The following DSG2 variants were observed in gnomAD, a reference collection of about 807,000 sequenced individuals.
DSG2 encodes desmoglein-2.
Under a neutral mutation model 75.6 loss-of-function variants are expected in DSG2, and 45 were observed. That is an observed-to-expected ratio of 0.60 (90% CI 0.47 to 0.76). The LOEUF (loss-of-function observed/expected upper bound fraction) is 0.76. Ranked by LOEUF, DSG2 falls within the 30% of genes least tolerant of loss-of-function variation. The probability of loss-of-function intolerance (pLI) is 0.00; values close to 1 mark genes in which losing one functional copy is unlikely to be tolerated. For synonymous variants in DSG2, 429 were observed against 483.9 expected (o/e 0.89, Z 1.49); for missense variants, 1,267 against 1,357.4 (o/e 0.93, Z 1.05).
At chr18:31,526,435 A>G (rs959511595) in intron 8 of DSG2, among the ~76,000 whole-genome samples, 1 of 152,234 alleles carries the variant, frequency 6.6e-6, no homozygotes, top group African/African-American at 2.4e-5. Context: ...ACTTATTGAC[A>G]GCTACTATAT....
chr18:31,515,164 G>A (rs1035336689), intron 1 of DSG2, among the ~76,000 whole-genome samples: 2 of 152,194 alleles, frequency 1.3e-5, no homozygotes, highest in South Asian at 2.1e-4. Context: ...GTGCAGTGGC[G>A]CGATCTCGGC....
rs776686758 is a variant in DSG2, at chr18:31,546,362, A to G, written c.2976A>G (p.Ile992Met). ...EGTVVVTERVIQPHGGGSNPL... is the reference protein window; with the variant it reads ...EGTVVVTERVMQPHGGGSNPL... ...CAGTTGTGGTCACTGAAAGAGTAAT[A>G]CAGCCTCATGGGGGTGGATCGAATC... The change falls in exon 15 of 15, where the codon ATA becomes ATG. Residue 992 changes from isoleucine (I) to methionine (M), a missense_variant. Physicochemically the swap from Ile to Met is conservative, Grantham distance 10. Coordinates refer to ENST00000261590, the MANE Select transcript of DSG2 (RefSeq NM_001943.5). 2 of 1,613,892 alleles carry G rather than the reference A, an allele frequency of 1.2e-6. No homozygotes were observed. The highest frequency in any genetic ancestry group is 8.5e-7 in the Non-Finnish European group (1 of 1,179,850).
chr18:31,523,186 G>A (rs939760995), intron 6 of DSG2, among the ~76,000 whole-genome samples: 1 of 152,144 alleles, frequency 6.6e-6, no homozygotes, highest in African/African-American at 2.4e-5. Flanking sequence ...CAGATCACAA[G>A]GTCAGGAGAT....
intron 2 of DSG2, among the ~76,000 whole-genome samples, chr18:31,519,153 G>A (rs530703361): frequency 2.6e-5 from 4 of 152,210 alleles, no homozygotes; most frequent in South Asian, 2.1e-4. Context: ...AAGAAAAAAC[G>A]TTTTTGACAT....
chr18:31,528,268 T>G (rs953441667), intron 8 of DSG2, among the ~76,000 whole-genome samples: 1 of 152,134 alleles, frequency 6.6e-6, no homozygotes, highest in Non-Finnish European at 1.5e-5. Flanking sequence ...GCATTATTCA[T>G]GATAATAAAA....
rs2278792 is a variant in DSG2 at position 31,542,836 on chromosome 18, G to A, written c.2318G>A (p.Arg773Lys). Residue 773 changes from arginine (R) to lysine (K), a missense_variant, in exon 14 of 15, where the codon AGA becomes AAA. Physicochemically the swap from Arg to Lys is conservative, Grantham distance 26. Transcript: ENST00000261590. Reference protein sequence around the residue: ...AAVALNEEFLRNYFTDKAASY... With the variant: ...AAVALNEEFLKNYFTDKAASY... ...GTTGCACTGAACGAAGAATTCTTAA[G>A]AAATTATTTCACTGATGTAAGGATG... The A allele has an allele frequency of 0.29, 402,056 of 1,376,676 alleles. 55,785 individuals carry two copies. Among genetic ancestry groups the A allele is most frequent in the East Asian group, 0.55 (20,919 of 38,118 alleles). The allele number at this position is 1,376,676 out of a possible 1,614,324, so 85.3% of individuals were successfully genotyped here.
intron 5 of DSG2, 114 bp from the exon 6 acceptor site, chr18:31,521,969 A>G: frequency 1.1e-6 from 1 of 940,652 alleles, no homozygotes; most frequent in South Asian, 1.5e-5. Flanking sequence ...ACTGTATGTG[A>G]TTTTGATAAG....
intron 10 of DSG2, among the ~76,000 whole-genome samples, chr18:31,535,666 C>T (rs2144340370): frequency 6.6e-6 from 1 of 151,650 alleles, no homozygotes; most frequent in East Asian, 1.9e-4. Flanking sequence ...TGGTGGCATG[C>T]ATCTGTAGTC....
At chr18:31,501,823 G>A (rs2073015305) in intron 1 of DSG2, among the ~76,000 whole-genome samples, 2 of 152,138 alleles carry the variant, frequency 1.3e-5, no homozygotes, top group South Asian at 4.1e-4. Flanking sequence ...CTGGTGGTTA[G>A]CACTTCAATA....
chr18:31,544,537 A>G (rs552079252), intron 14 of DSG2, among the ~76,000 whole-genome samples: 2 of 152,274 alleles, frequency 1.3e-5, no homozygotes, highest in South Asian at 2.1e-4. Context: ...TTAAACCCAA[A>G]ACAAGCAGAA....
chr18:31,505,665 T>C (rs1473140268), intron 1 of DSG2, among the ~76,000 whole-genome samples: 1 of 149,302 alleles, frequency 6.7e-6, no homozygotes, highest in East Asian at 1.9e-4. Context: ...TCTTTTTTTT[T>C]TTTTTTCTTT....
chr18:31,536,128 C>T, intron 10 of DSG2, 74 bp from the exon 11 acceptor site: 1 of 1,443,488 alleles, frequency 6.9e-7, no homozygotes, highest in South Asian at 1.2e-5. Flanking sequence ...TCCAAATTGG[C>T]AAGGGAATTC....
chr18:31,517,474 T>C (rs1169538938), intron 1 of DSG2, among the ~76,000 whole-genome samples: 3 of 152,176 alleles, frequency 2.0e-5, no homozygotes, highest in Non-Finnish European at 4.4e-5. Context: ...AGACAAGTAT[T>C]TAAGGTAATT....
At position 31,518,423 on chromosome 18, in the gene DSG2, G is replaced by A; in HGVS notation, c.81+149G>A. 6 of 698,230 alleles carry A rather than the reference G, an allele frequency of 8.6e-6. No individual in the cohort carries two copies. In the South Asian group the frequency reaches 9.9e-5, roughly 12 times the overall value. The allele number at this position is 698,230 out of a possible 1,614,324, so 43.3% of individuals were successfully genotyped here. On this transcript the variant is annotated intron_variant, in intron 2 of 14. Transcript: ENST00000261590. The stretch of plus-strand genomic sequence containing the variant: ...AAACAAGTGCAGAGGAGCTTATCCA[G>A]GGGTATTCAGTGCAGCAGTTTTTGA...
intron 1 of DSG2, among the ~76,000 whole-genome samples, chr18:31,499,250 T>C (rs1324709475): frequency 1.3e-5 from 2 of 152,234 alleles, no homozygotes; most frequent in Non-Finnish European, 2.9e-5. Flanking sequence ...TACTCAGTTT[T>C]CTTACGTAAT....
At chr18:31,502,466 T>C (rs1407659211) in intron 1 of DSG2, among the ~76,000 whole-genome samples, 1 of 152,200 alleles carries the variant, frequency 6.6e-6, no homozygotes, top group Non-Finnish European at 1.5e-5. Context: ...TTAGAAACTT[T>C]AGGCTGGGCA....
intron 8 of DSG2, 97 bp downstream of exon 8, chr18:31,524,985 A>G (rs1201197427): frequency 1.7e-6 from 2 of 1,161,974 alleles, no homozygotes; most frequent in Non-Finnish European, 1.3e-6. Context: ...TGCTTTACAT[A>G]TTCAATTAAC....
chr18:31,509,358 G>A (rs1182581125), intron 1 of DSG2, among the ~76,000 whole-genome samples: 1 of 152,010 alleles, frequency 6.6e-6, no homozygotes, highest in Non-Finnish European at 1.5e-5. Flanking sequence ...CTTTATTACT[G>A]TCAGACTTAA....
At chr18:31,527,808 G>T (rs1360667806) in intron 8 of DSG2, among the ~76,000 whole-genome samples, 2 of 152,210 alleles carry the variant, frequency 1.3e-5, no homozygotes, top group Admixed American at 6.5e-5. Context: ...AGTTCTGGAG[G>T]CTGGAAAGCC....
Sources: gnomAD v4.1 joint callset for allele counts (sites outside exome capture counted in the v4.1 genomes callset) on GRCh38, gnomAD v4.1.1 for gene constraint, MANE v1.5 for transcripts, NCBI Gene and HGNC (gene_info 2026-07-23, HGNC 2026-07-21) for gene names.